LLGL1: variants seen among roughly 807,000 people sequenced by gnomAD.
LLGL1 encodes LLGL scribble cell polarity complex component 1.
A neutral mutation model predicts 110.6 loss-of-function variants in LLGL1; 58 were observed. The observed-to-expected ratio is 0.52, with a 90% CI of 0.42 to 0.65. The LOEUF (loss-of-function observed/expected upper bound fraction) is 0.65. LLGL1 is among the 30% of genes least tolerant of loss of function. LLGL1 has a pLI of 0.00. For missense variants in LLGL1, 1,229 were observed against 1,462.1 expected (o/e 0.84, Z 2.60); for synonymous variants, 674 against 607.2 (o/e 1.11, Z -1.62).
At chr17:18,241,737 G>T in intron 18 of LLGL1, 22 bp downstream of exon 18, 1 of 1,610,514 alleles carries the variant, frequency 6.2e-7, no homozygotes. Context: ...CAGAGGCCGA[G>T]GAGGCCTTCC....
chr17:18,237,137 G>A (rs2047711480), intron 13 of LLGL1, 198 bp downstream of exon 13: 6 of 603,684 alleles, frequency 9.9e-6, no homozygotes, highest in African/African-American at 5.6e-5. Flanking sequence ...GTTGAGAGGA[G>A]GGAACTCATG....
chr17:18,225,781 G>GC lies in LLGL1; in HGVS notation c.81+21dup. On this transcript the variant is annotated intron_variant, in intron 1 of 22. Coordinates refer to ENST00000316843, the MANE Select transcript of LLGL1 (RefSeq NM_004140.4). ...TCAACAAGGTGCGGCGGCGGCCCGG[G>GC]CCCGGGCTCGGGCGGGAGGGGGCGG... 4.3e-6 allele frequency: 4 copies of GC among 938,642 alleles called. No homozygotes were observed. Among genetic ancestry groups the GC allele is most frequent in the Non-Finnish European group, 5.1e-6 (4 of 784,804 alleles). 58.1% of individuals were successfully genotyped at this position (938,642 alleles called of 1,614,324 possible).
At chr17:18,238,319 G>T (rs1567693411) in intron 15 of LLGL1, 105 bp downstream of exon 15, 1 of 1,578,228 alleles carries the variant, frequency 6.3e-7, no homozygotes, top group Admixed American at 1.7e-5. Flanking sequence ...TCCTCCCTCG[G>T]CAGCCCCTGG....
At position 18,234,158 on chromosome 17, in the gene LLGL1, A is replaced by G. The variant is rs2142603553; in HGVS notation, c.697A>G (p.Ile233Val). The G allele has an allele frequency of 2.5e-6, 4 of 1,603,820 alleles. No individual in the cohort carries two copies. In the East Asian group the frequency reaches 9.0e-5, roughly 36 times the overall value. The change falls in exon 6 of 23, where the codon ATC becomes GTC. Residue 233 changes from isoleucine (I) to valine (V), a missense_variant. Physicochemically the swap from Ile to Val is conservative, Grantham distance 29. Coordinates refer to ENST00000316843, the MANE Select transcript of LLGL1 (RefSeq NM_004140.4). ...CCAGGCCTCGCAGTGTGTGGACCAC[A>G]TCTTCCTGGGGAACCAGGTATGTAG... is the stretch of plus-strand genomic sequence containing the variant. ...WNQASQCVDHIFLGNQQLESL... is the reference protein window; with the variant it reads ...WNQASQCVDHVFLGNQQLESL...
Position 18,237,597 on chromosome 17 carries a change from A to G in LLGL1, c.1728A>G (p.Pro576=). Residue 576 remains proline, a synonymous_variant, in exon 14 of 23, where the codon CCA becomes CCG. Coordinates refer to ENST00000316843, the MANE Select transcript of LLGL1 (RefSeq NM_004140.4). ...GGAAGGGCCACGAGCGGCTGAGCCC[A>G]CGCACGGGGCCGCTGCCCTGGCCTG... ...FTWKGHERLS[P]RTGPLPWPAG... is the part of the protein sequence containing the mutation. The G allele has an allele frequency of 6.2e-7, 1 of 1,610,858 alleles. No individual in the cohort carries two copies. Among genetic ancestry groups the G allele is most frequent in the East Asian group, 2.2e-5 (1 of 44,874 alleles).
intron 21 of LLGL1, 33 bp downstream of exon 21, chr17:18,242,661 TGCCCTGTCC>T: frequency 1.3e-6 from 2 of 1,584,938 alleles, no homozygotes; most frequent in Non-Finnish European, 1.7e-6. Context: ...CAGGGGGGGC[TGCCCTGTCC>T]CCTAGGCCTC....
intron 1 of LLGL1, among the ~76,000 whole-genome samples, chr17:18,226,958 G>A (rs113180069): frequency 1.1e-4 from 16 of 152,378 alleles, no homozygotes; most frequent in African/African-American, 3.4e-4. Flanking sequence ...CGGCTTGCCC[G>A]GAGTCAGAGT....
intron 1 of LLGL1, among the ~76,000 whole-genome samples, chr17:18,228,324 G>T (rs140122065): frequency 6.6e-6 from 1 of 152,218 alleles, no homozygotes; most frequent in African/African-American, 2.4e-5. Flanking sequence ...GCTGGAGGAA[G>T]TGCGTTCCAG....
In LLGL1 at chr17:18,242,587, G is replaced by GTC; in HGVS notation, c.3075_3076insTC (p.Thr1026SerfsTer10). The stretch of plus-strand genomic sequence containing the variant: ...CCAGTGCTGACACCACGCTGGACAC[G>GTC]ACAGGGGACGTCACAGTGGAAGATG... On this transcript the variant is annotated frameshift_variant, in exon 21 of 23. Coordinates refer to ENST00000316843, the MANE Select transcript of LLGL1 (RefSeq NM_004140.4). LOFTEE classifies it high-confidence loss of function. The GTC allele has an allele frequency of 6.2e-7, 1 of 1,614,010 alleles. No individual in the cohort carries two copies.
chr17:18,237,568 A>C lies in LLGL1; in HGVS notation c.1699A>C (p.Thr567Pro). The part of the protein sequence containing the change: ...IDLLQDREGF[T>P]WKGHERLSPR... ...CCTCCTCCAGGACCGCGAGGGCTTCACATGGAAGGGCCACGAGCGGCTGAG... is the reference window on the plus strand; with the variant it reads ...CCTCCTCCAGGACCGCGAGGGCTTCCCATGGAAGGGCCACGAGCGGCTGAG... Residue 567 changes from threonine to proline, a missense_variant, in exon 14 of 23, where the codon ACA becomes CCA. Physicochemically the swap from Thr to Pro is conservative, Grantham distance 38. Transcript: ENST00000316843. 6.2e-7 allele frequency: 1 copy of C among 1,610,058 alleles called. No individual in the cohort carries two copies. The highest frequency in any genetic ancestry group is 2.2e-5 in the East Asian group (1 of 44,842).
chr17:18,227,845 G>A (rs2047483561), intron 1 of LLGL1, among the ~76,000 whole-genome samples: 1 of 152,200 alleles, frequency 6.6e-6, no homozygotes, highest in African/African-American at 2.4e-5. Flanking sequence ...TGGAAAGTGG[G>A]GTGGTCTTGG....
At position 18,239,839 on chromosome 17, in the gene LLGL1, G is replaced by A. The variant is rs559380108; in HGVS notation, c.2207-739G>A. ...TTCCACTGGCCCGAGAAGGCCGATG[G>A]GTTCATGTTCATGGCCGGCTGGGGT... On this transcript the variant is annotated intron_variant, in intron 16 of 22. Coordinates refer to ENST00000316843, the MANE Select transcript of LLGL1 (RefSeq NM_004140.4). Among the ~76,000 whole-genome samples the A allele has an allele frequency of 3.9e-5, 6 of 152,176 alleles. No individual in the cohort carries two copies. The East Asian group carries it at 1.2e-3, about 29-fold the overall frequency.
chr17:18,243,584 G>A (rs954746253), intron 22 of LLGL1, among the ~76,000 whole-genome samples: 3 of 152,198 alleles, frequency 2.0e-5, no homozygotes, highest in East Asian at 1.9e-4. Context: ...CTAGATGTGG[G>A]GCCCATAGAT....
intron 1 of LLGL1, among the ~76,000 whole-genome samples, 160 bp downstream of exon 1, chr17:18,225,923 G>A (rs1395236124): frequency 6.6e-6 from 1 of 150,508 alleles, no homozygotes; most frequent in Non-Finnish European, 1.5e-5. Context: ...CCCTCGGCGG[G>A]CCCCGCTCTG....
rs141583977 is a variant in LLGL1, at chr17:18,243,552, G to C, written c.*2-356G>C. On this transcript the variant is annotated intron_variant, in intron 22 of 22. Coordinates refer to ENST00000316843, the MANE Select transcript of LLGL1 (RefSeq NM_004140.4). Reference sequence around the variant, plus strand: ...CCCAGCAAGTGGCTGACTTACCCCTGCCTGAGTCTGTGGATCCTCACCTAG... The same window carrying C: ...CCCAGCAAGTGGCTGACTTACCCCTCCCTGAGTCTGTGGATCCTCACCTAG... 5.1e-3 allele frequency among the ~76,000 whole-genome samples: 776 copies of C among 152,342 alleles called. 7 individuals are homozygous for C. Among genetic ancestry groups the C allele is most frequent in the African/African-American group, 0.012 (492 of 41,566 alleles).
intron 20 of LLGL1, 98 bp from the exon 21 acceptor site, chr17:18,242,410 C>T (rs564793901): frequency 6.4e-7 from 1 of 1,568,726 alleles, no homozygotes; most frequent in Non-Finnish European, 8.7e-7. Context: ...CTGGTGCCAC[C>T]CCTCACCATG....
chr17:18,237,399 G>A lies in LLGL1; in HGVS notation c.1612-82G>A, dbSNP rs1424170585. The A allele has an allele frequency of 5.1e-6, 7 of 1,374,368 alleles. No homozygotes were observed. The East Asian group carries it at 1.8e-4, about 35-fold the overall frequency. 85.1% of individuals were successfully genotyped at this position (1,374,368 alleles called of 1,614,324 possible). On this transcript the variant is annotated intron_variant, in intron 13 of 22. Coordinates refer to ENST00000316843, the MANE Select transcript of LLGL1 (RefSeq NM_004140.4). The stretch of plus-strand genomic sequence containing the variant: ...AACCACCTTGGTGGTGGCTGGGGCT[G>A]CTTCAGAGGCTCCAGGCTGAGTGGG...
intron 2 of LLGL1, among the ~76,000 whole-genome samples, chr17:18,230,320 G>A (rs1415127510): frequency 1.3e-5 from 2 of 152,182 alleles, no homozygotes; most frequent in African/African-American, 2.4e-5. Flanking sequence ...TTACCTAGGC[G>A]ACCCTGCCAT....
At chr17:18,235,718 G>T (rs2047678372) in intron 11 of LLGL1, 181 bp downstream of exon 11, 2 of 611,544 alleles carry the variant, frequency 3.3e-6, no homozygotes, top group Admixed American at 6.0e-5. Context: ...TCAAGGTGCT[G>T]CCCTGATCTG....
Sources: gnomAD v4.1 joint callset for allele counts (sites outside exome capture counted in the v4.1 genomes callset) on GRCh38, gnomAD v4.1.1 for gene constraint, MANE v1.5 for transcripts, NCBI Gene and HGNC (gene_info 2026-07-23, HGNC 2026-07-21) for gene names.